The following SLC22A3 variants were observed in gnomAD, a reference collection of about 807,000 sequenced individuals.
SLC22A3 encodes solute carrier family 22 member 3, also known as EMT organic cation transporter 3.
SLC22A3 carries 51 observed loss-of-function variants against 59.1 expected under a neutral mutation model. The observed-to-expected ratio is 0.86, with a 90% confidence interval of 0.69 to 1.09. The LOEUF is 1.09. SLC22A3 is among the 50% of genes least tolerant of loss of function. The pLI is 0.00. For missense variants in SLC22A3, 711 were observed against 726.3 expected (o/e 0.98, Z 0.24); for synonymous variants, 325 against 292.0 (o/e 1.11, Z -1.15).
rs558698978 is a variant in SLC22A3 at position 160,423,101 on chromosome 6, A to G, written c.975+12255A>G. ...GCGGTGTTTGGTTTTTTGTTCTTGC[A>G]ATAGTTTGCTGAGAATGATGGTTTC... On this transcript the variant is annotated intron_variant, in intron 5 of 10. Coordinates refer to ENST00000275300, the MANE Select transcript of SLC22A3 (RefSeq NM_021977.4). 1.6e-4 allele frequency among the ~76,000 whole-genome samples: 25 copies of G among 152,126 alleles called. No homozygotes were observed. The East Asian group carries it at 4.8e-3, about 29-fold the overall frequency.
chr6:160,449,778 A>G (rs1354954528), intron 10 of SLC22A3, among the ~76,000 whole-genome samples: 1 of 152,136 alleles, frequency 6.6e-6, no homozygotes, highest in African/African-American at 2.4e-5. Flanking sequence ...GAGTACAAAG[A>G]GAGGAATTTT....
chr6:160,439,571 A>T (rs1788473035), intron 7 of SLC22A3, among the ~76,000 whole-genome samples: 1 of 152,214 alleles, frequency 6.6e-6, no homozygotes, highest in Non-Finnish European at 1.5e-5. Context: ...TAGTCATATA[A>T]CTATTTTGTA....
At chr6:160,397,306 G>A (rs147520903) in intron 1 of SLC22A3, among the ~76,000 whole-genome samples, 1 of 152,176 alleles carries the variant, frequency 6.6e-6, no homozygotes, top group African/African-American at 2.4e-5. Flanking sequence ...CTGACAGGAG[G>A]CAGAGCTCAG....
chr6:160,393,539 G>A (rs1286748598), intron 1 of SLC22A3, among the ~76,000 whole-genome samples: 1 of 150,164 alleles, frequency 6.7e-6, no homozygotes, highest in Non-Finnish European at 1.5e-5. Flanking sequence ...AACATGCGGT[G>A]TTTGGTATTT....
At chr6:160,366,054 A>C (rs1240705000) in intron 1 of SLC22A3, among the ~76,000 whole-genome samples, 1 of 152,278 alleles carries the variant, frequency 6.6e-6, no homozygotes, top group Admixed American at 6.5e-5. Context: ...CTACAATTCA[A>C]GATAGGATTT....
chr6:160,378,405 G>A (rs1332275230), intron 1 of SLC22A3, among the ~76,000 whole-genome samples: 1 of 152,152 alleles, frequency 6.6e-6, no homozygotes, highest in Non-Finnish European at 1.5e-5. Flanking sequence ...GTAGGCTTTG[G>A]CAAGCTTTAA....
chr6:160,379,805 A>G (rs938128795), intron 1 of SLC22A3, among the ~76,000 whole-genome samples: 1 of 152,198 alleles, frequency 6.6e-6, no homozygotes, highest in Non-Finnish European at 1.5e-5. Flanking sequence ...TATGCTGACT[A>G]TGTCACCAGA....
chr6:160,351,176 C>T (rs1361837874), intron 1 of SLC22A3, among the ~76,000 whole-genome samples: 3 of 152,284 alleles, frequency 2.0e-5, no homozygotes, highest in South Asian at 2.1e-4. Context: ...TGTGCAGTGG[C>T]GTGATCTCGG....
chr6:160,404,478 G>A (rs1786922589), intron 2 of SLC22A3, among the ~76,000 whole-genome samples: 1 of 152,042 alleles, frequency 6.6e-6, no homozygotes, highest in Non-Finnish European at 1.5e-5. Flanking sequence ...CAACATTCAT[G>A]GATAGGAAGA....
intron 5 of SLC22A3, among the ~76,000 whole-genome samples, chr6:160,413,830 C>T (rs1191175202): frequency 6.6e-6 from 1 of 152,180 alleles, no homozygotes; most frequent in East Asian, 1.9e-4. Flanking sequence ...TTCCACTTCC[C>T]TGATTGTCCT....
At chr6:160,423,656 C>T (rs1241019928) in intron 5 of SLC22A3, among the ~76,000 whole-genome samples, 1 of 152,188 alleles carries the variant, frequency 6.6e-6, no homozygotes, top group Non-Finnish European at 1.5e-5. Flanking sequence ...TCATATCCTT[C>T]ACCCACTTTT....
At position 160,443,569 on chromosome 6, in the gene SLC22A3, T is replaced by C. The variant is rs569769384; in HGVS notation, c.1398-61T>C. The C allele has an allele frequency of 1.6e-5, 18 of 1,118,750 alleles. No individual in the cohort carries two copies. In the African/African-American group the frequency reaches 2.1e-4, roughly 13 times the overall value. 69.3% of individuals were successfully genotyped at this position (1,118,750 alleles called of 1,614,324 possible). ...GGTTTTTTAATATGTCTGAATATGT[T>C]GATTATCTTGAAGTCACTTGTTGAA... On this transcript the variant is annotated intron_variant, in intron 8 of 10. Transcript: ENST00000275300.
chr6:160,442,855 C>T lies in SLC22A3; in HGVS notation c.1383C>T (p.Tyr461=), dbSNP rs564220215. ...TTTATTTGGTAAATTCAGAATTGTACCCAACAACATTACGGTAATTCTAAC... is the reference window on the plus strand; with the variant it reads ...TTTATTTGGTAAATTCAGAATTGTATCCAACAACATTACGGTAATTCTAAC... ...EIVYLVNSEL[Y]PTTLRNFGVS... The change falls in exon 8 of 11, where the codon TAC becomes TAT. Residue 461 remains tyrosine (Y), a synonymous_variant. Transcript: ENST00000275300. The T allele has an allele frequency of 6.2e-5, 100 of 1,611,004 alleles. No individual in the cohort carries two copies. The East Asian group carries it at 2.2e-3, about 36-fold the overall frequency.
chr6:160,430,402 CATATTT>C (rs1788108346), intron 5 of SLC22A3, among the ~76,000 whole-genome samples: 1 of 152,070 alleles, frequency 6.6e-6, no homozygotes, highest in South Asian at 2.1e-4. Context: ...CTCTGAACAC[CATATTT>C]ATAACAGATG....
In SLC22A3 at chr6:160,410,825, C is replaced by A; in HGVS notation, c.954C>A (p.Tyr318Ter). 6.2e-7 allele frequency: 1 copy of A among 1,605,200 alleles called. No homozygotes were observed. Among genetic ancestry groups the A allele is most frequent in the Non-Finnish European group, 8.5e-7 (1 of 1,172,310 alleles). Residue 318 changes from tyrosine (Y) to a stop codon, truncating the protein, a stop_gained, in exon 5 of 11, where the codon TAC becomes TAA. Coordinates refer to ENST00000275300, the MANE Select transcript of SLC22A3 (RefSeq NM_021977.4). LOFTEE classifies it high-confidence loss of function. Reference sequence around the variant, plus strand: ...GCATTGCTAAGTGCAATGGGAAATACCTCTCATCAAATTACTCAGAGGTAA... The same window carrying A: ...GCATTGCTAAGTGCAATGGGAAATAACTCTCATCAAATTACTCAGAGGTAA... ...LRRIAKCNGKYLSSNYSEITV... is the reference protein window; with the variant it reads ...LRRIAKCNGK
At chr6:160,419,299 T>A (rs1353135084) in intron 5 of SLC22A3, among the ~76,000 whole-genome samples, 14 of 152,234 alleles carry the variant, frequency 9.2e-5, no homozygotes, top group Admixed American at 9.2e-4. Context: ...TGGGAATATC[T>A]GTTTCTGACA....
intron 7 of SLC22A3, 34 bp downstream of exon 7, chr6:160,437,245 GGACTTGAAAA>G (rs762749714): frequency 5.1e-5 from 82 of 1,608,756 alleles, no homozygotes; most frequent in Non-Finnish European, 6.8e-5. Flanking sequence ...GGCAGCCAAA[GGACTTGAAAA>G]CACCTAAATC....
At chr6:160,435,366 C>T (rs1788299939) in intron 5 of SLC22A3, among the ~76,000 whole-genome samples, 1 of 152,138 alleles carries the variant, frequency 6.6e-6, no homozygotes. Context: ...TTCTTTCTTA[C>T]CAGCTCAGTT....
chr6:160,419,737 C>T (rs142809452), intron 5 of SLC22A3, among the ~76,000 whole-genome samples: 1,834 of 152,282 alleles, frequency 0.012, 19 homozygotes, highest in Non-Finnish European at 0.018. Context: ...TTTAAAATGA[C>T]TCATAAAAAT....
Sources: allele counts gnomAD v4.1 joint callset (sites outside exome capture counted in the v4.1 genomes callset), GRCh38; gene constraint gnomAD v4.1.1; transcripts MANE v1.5; gene names NCBI Gene and HGNC (gene_info 2026-07-23, HGNC 2026-07-21).